MAP7D1: variants seen among roughly 807,000 people sequenced by gnomAD.
MAP7D1 encodes MAP7 domain containing 1, also known as MAP7 domain-containing protein 1.
In MAP7D1, 30 loss-of-function variants were observed where a neutral mutation model predicts 97.5. That is an observed-to-expected ratio of 0.31 (90% confidence interval 0.23 to 0.42). MAP7D1 has a LOEUF of 0.42. Among genes scored for constraint, MAP7D1 ranks in the 10% least tolerant of loss-of-function variants. The pLI is 1.00. For synonymous variants in MAP7D1, 536 were observed against 477.1 expected, an observed-to-expected ratio of 1.12 and a Z score of -1.61; for missense variants, 1,184 against 1,179.5, an observed-to-expected ratio of 1.00 and a Z score of -0.06.
chr1:36,173,472 A>C lies in MAP7D1; in HGVS notation c.733A>C (p.Lys245Gln), dbSNP rs777821040. Residue 245 changes from lysine (K) to glutamine (Q), a missense_variant, in exon 5 of 17, where the codon AAG (lysine) becomes CAG (glutamine). Physicochemically the swap from Lys to Gln is moderately conservative, Grantham distance 53. Coordinates refer to ENST00000474796, the MANE Select transcript of MAP7D1 (RefSeq NM_001388490.1). ...GALHHSSPGH[K>Q]TSGSRCSVSA... is the part of the protein sequence containing the mutation. ...CCTGCACCACAGCTCTCCAGGACAT[A>C]AGACCAGTGAGTAGGCTGGAGGGGC... 1.7e-5 allele frequency: 27 copies of C among 1,609,116 alleles called. No homozygotes were observed. Among genetic ancestry groups the C allele is most frequent in the Non-Finnish European group, 2.3e-5 (27 of 1,177,986 alleles).
chr1:36,165,540 G>C (rs958497180), intron 1 of MAP7D1, among the ~76,000 whole-genome samples: 1 of 144,894 alleles, frequency 6.9e-6, no homozygotes, highest in Non-Finnish European at 1.5e-5. Context: ...ATAGTTCACT[G>C]TAACCTCAGT....
chr1:36,162,834 C>G (rs1167057352), intron 1 of MAP7D1, among the ~76,000 whole-genome samples: 3 of 152,032 alleles, frequency 2.0e-5, no homozygotes, highest in Non-Finnish European at 4.4e-5. Context: ...ACCCAGCCAC[C>G]CACCCACCCA....
In MAP7D1 at chr1:36,171,043, T is replaced by G; in HGVS notation, c.119T>G (p.Met40Arg). 1 of 1,199,576 alleles carries G rather than the reference T, an allele frequency of 8.3e-7. No individual in the cohort carries two copies. The highest frequency in any genetic ancestry group is 1.1e-6 in the Non-Finnish European group (1 of 900,478). The allele number at this position is 1,199,576 out of a possible 1,614,324, so 74.3% of individuals were successfully genotyped here. A position where few individuals can be genotyped will look rare whatever the true frequency, so the allele number is the denominator to read the frequency against. The change falls in exon 2 of 17, where the codon ATG (methionine) becomes AGG (arginine). Residue 40 changes from methionine (M) to arginine (R), a missense_variant. Physicochemically the swap from Met to Arg is moderately conservative, Grantham distance 91. Transcript: ENST00000474796. Reference sequence around the variant, plus strand: ...GACCCTTCCCCCCCACCACCACCAATGTCAGCCCTGGTCCCCGACACTCCC... The same window carrying G: ...GACCCTTCCCCCCCACCACCACCAAGGTCAGCCCTGGTCCCCGACACTCCC... The part of the protein sequence containing the change: ...EGDPSPPPPP[M>R]SALVPDTPPD...
intron 1 of MAP7D1, among the ~76,000 whole-genome samples, chr1:36,161,863 ATGTGTGTGTGTGTATGTGTGTG>A: frequency 7.2e-6 from 1 of 137,952 alleles, no homozygotes; most frequent in African/African-American, 2.8e-5. Context: ...TTTCCTCTGC[ATGTGTGTGTGTGTATGTGTGTG>A]TGTGTGTGTG....
chr1:36,158,082 G>A (rs766493841), intron 1 of MAP7D1, among the ~76,000 whole-genome samples: 8 of 152,074 alleles, frequency 5.3e-5, no homozygotes, highest in Non-Finnish European at 1.2e-4. Context: ...TAGGATACTT[G>A]GGTAGGATGC....
Position 36,178,140 on chromosome 1 carries a change from G to T in MAP7D1, c.1647G>T (p.Pro549=). Residue 549 remains proline, a synonymous_variant, in exon 9 of 17, where the codon CCG becomes CCT. Transcript: ENST00000474796. Reference sequence around the variant, plus strand: ...CCCCAGCCTCACCGGCACCTTCGCCGGCGCCCTCGCCCACCCCAGCCCCGC... The same window carrying T: ...CCCCAGCCTCACCGGCACCTTCGCCTGCGCCCTCGCCCACCCCAGCCCCGC... ...SAAPASPAPS[P]APSPTPAPPQ... 1 of 1,582,050 alleles carries T rather than the reference G, an allele frequency of 6.3e-7. No homozygotes were observed. The highest frequency in any genetic ancestry group is 8.6e-7 in the Non-Finnish European group (1 of 1,165,426).
rs1345546134 is a variant in MAP7D1 at position 36,172,526 on chromosome 1, C to G, written c.523C>G (p.Leu175Val). ...GGCCAAGGCGCTGCGGGAGAAGCAG[C>G]TCCAGGAGCGCCGGCGCCGGCTGGA... The part of the protein sequence containing the change: ...EKAKALREKQ[L>V]QERRRRLEEQ... The change falls in exon 4 of 17, where the codon CTC (leucine) becomes GTC (valine). Residue 175 changes from leucine to valine, a missense_variant. Physicochemically the swap from Leu to Val is conservative, Grantham distance 32 (BLOSUM62 1). Coordinates refer to ENST00000474796, the MANE Select transcript of MAP7D1 (RefSeq NM_001388490.1). 1 of 1,602,822 alleles carries G rather than the reference C, an allele frequency of 6.2e-7. No homozygotes were observed. The highest frequency in any genetic ancestry group is 1.3e-5 in the African/African-American group (1 of 74,780).
At chr1:36,168,079 G>T (rs1428677313) in intron 1 of MAP7D1, among the ~76,000 whole-genome samples, 1 of 152,044 alleles carries the variant, frequency 6.6e-6, no homozygotes, top group Non-Finnish European at 1.5e-5. Context: ...GGCGGATCAC[G>T]AGGTCAAGAG....
chr1:36,156,542 TG>T, intron 1 of MAP7D1, 79 bp downstream of exon 1: 1 of 1,226,116 alleles, frequency 8.2e-7, no homozygotes, highest in Admixed American at 4.1e-5. Context: ...GCCGGCCGGC[TG>T]GGCGGGGACC....
Position 36,178,107 on chromosome 1 carries a change from G to T in MAP7D1, c.1614G>T (p.Glu538Asp), listed in dbSNP as rs760539060. ...QSKRRASNEKESAAPASPAPS... is the reference protein window; with the variant it reads ...QSKRRASNEKDSAAPASPAPS... ...AGCGCAGGGCCAGTAACGAGAAGGA[G>T]TCAGCAGCCCCAGCCTCACCGGCAC... is the stretch of plus-strand genomic sequence containing the variant. Residue 538 changes from glutamate (E) to aspartate (D), a missense_variant, in exon 9 of 17, where the codon GAG becomes GAT. By Grantham distance (45) the Glu-to-Asp change is conservative (BLOSUM62 2). Coordinates refer to ENST00000474796, the MANE Select transcript of MAP7D1 (RefSeq NM_001388490.1). 6.3e-7 allele frequency: 1 copy of T among 1,598,162 alleles called. No homozygotes were observed. Among genetic ancestry groups the T allele is most frequent in the Non-Finnish European group, 8.5e-7 (1 of 1,173,340 alleles).
intron 1 of MAP7D1, among the ~76,000 whole-genome samples, chr1:36,168,422 T>C (rs1196716409): frequency 6.6e-6 from 1 of 152,150 alleles, no homozygotes; most frequent in Non-Finnish European, 1.5e-5. Flanking sequence ...CTCTCAGAAT[T>C]GCGAGGACAC....
chr1:36,178,217 G>A lies in MAP7D1; in HGVS notation c.1708+16G>A, dbSNP rs970677142. 1 of 1,536,056 alleles carries A rather than the reference G, an allele frequency of 6.5e-7. No homozygotes were observed. Among genetic ancestry groups the A allele is most frequent in the Non-Finnish European group, 8.8e-7 (1 of 1,140,166 alleles). On this transcript the variant is annotated intron_variant, in intron 9 of 16. Coordinates refer to ENST00000474796, the MANE Select transcript of MAP7D1 (RefSeq NM_001388490.1). Reference sequence around the variant, plus strand: ...ACCCCTACAGGTAGGAATGAAGAGAGGGGAGGGGTGGGCCGAGCGAGAGAA... The same window carrying A: ...ACCCCTACAGGTAGGAATGAAGAGAAGGGAGGGGTGGGCCGAGCGAGAGAA...
At chr1:36,172,185 C>A in intron 3 of MAP7D1, 1 of 287,176 alleles carries the variant, frequency 3.5e-6, no homozygotes, top group East Asian at 6.0e-5. Context: ...TGGTAGGCCC[C>A]CCAGGTCAGA....
chr1:36,172,211 C>T (rs1019818251), intron 3 of MAP7D1: 1 of 339,106 alleles, frequency 2.9e-6, no homozygotes, highest in African/African-American at 2.1e-5. Context: ...ATCTTGCACT[C>T]AAGCATTCAT....
chr1:36,178,182 C>T lies in MAP7D1; in HGVS notation c.1689C>T (p.Pro563=), dbSNP rs12563364. ...PTPAPPQKEQ[P]PAETPTDAAV... ...CAGCCCCGCCCCAGAAGGAGCAGCC[C>T]CCCGCGGAGACCCCTACAGGTAGGA... Residue 563 remains proline (P), a synonymous_variant, in exon 9 of 17, where the codon CCC becomes CCT. Transcript: ENST00000474796. 0.011 allele frequency: 17,362 copies of T among 1,572,742 alleles called. 780 individuals carry two copies. In the East Asian group the frequency reaches 0.17, roughly 15 times the overall value.
In MAP7D1 at chr1:36,179,377, G is replaced by C. The variant is rs1039777221; in HGVS notation, c.2184+62G>C. 4 of 1,601,130 alleles carry C rather than the reference G, an allele frequency of 2.5e-6. No individual in the cohort carries two copies. In the African/African-American group the frequency reaches 4.0e-5, roughly 16 times the overall value. Reference sequence around the variant, plus strand: ...GGGCAGGGTGTGAAAAGGAGGCTGCGGAAAGGCATCCATGGCCACGGAGAG... The same window carrying C: ...GGGCAGGGTGTGAAAAGGAGGCTGCCGAAAGGCATCCATGGCCACGGAGAG... On this transcript the variant is annotated intron_variant, in intron 13 of 16. Transcript: ENST00000474796.
Position 36,179,749 on chromosome 1 carries a change from C to A in MAP7D1, c.2311C>A (p.Gln771Lys). The change falls in exon 15 of 17, where the codon CAG becomes AAG. Residue 771 changes from glutamine to lysine, a missense_variant. Coordinates refer to ENST00000474796, the MANE Select transcript of MAP7D1 (RefSeq NM_001388490.1). Reference sequence around the variant, plus strand: ...AGAGGAGCCCATCCCACAGGAGCCTCAGTGGAGGTACCAGCTTCCAATCCC... The same window carrying A: ...AGAGGAGCCCATCCCACAGGAGCCTAAGTGGAGGTACCAGCTTCCAATCCC... ...QKEEPIPQEP[Q>K]WSLPSKELPA... 1 of 1,527,792 alleles carries A rather than the reference C, an allele frequency of 6.5e-7. No homozygotes were observed. Among genetic ancestry groups the A allele is most frequent in the Admixed American group, 2.2e-5 (1 of 45,022 alleles). 94.6% of individuals were successfully genotyped at this position (1,527,792 alleles called of 1,614,324 possible).
rs1557784993 is a variant in MAP7D1, at chr1:36,179,495, GCTCTTC to G, written c.2185-13_2185-8del. 2 of 1,580,418 alleles carry G rather than the reference GCTCTTC, an allele frequency of 1.3e-6. No individual in the cohort carries two copies. Among genetic ancestry groups the G allele is most frequent in the South Asian group, 1.1e-5 (1 of 86,974 alleles). On this transcript the variant is annotated splice_polypyrimidine_tract_variant and intron_variant, in intron 13 of 16. Transcript: ENST00000474796. ...GGCCGGCTGTCCCTTGAGCCTGACT[GCTCTTC>G]CTCTTCAAAGCAGAAGCAGGACAGC...
chr1:36,156,485 G>A (rs1235461494), intron 1 of MAP7D1, 22 bp downstream of exon 1: 1 of 1,446,832 alleles, frequency 6.9e-7, no homozygotes, highest in Non-Finnish European at 9.0e-7. Context: ...GCCACGCGGA[G>A]GCGAGATGGG....
Sources: gnomAD v4.1 joint callset for allele counts (sites outside exome capture counted in the v4.1 genomes callset) on GRCh38, gnomAD v4.1.1 for gene constraint, MANE v1.5 for transcripts, NCBI Gene and HGNC (gene_info 2026-07-23, HGNC 2026-07-21) for gene names.